ATF7: variants seen among roughly 807,000 people sequenced by gnomAD.
The protein encoded by ATF7 is activating transcription factor 7, also known as cyclic AMP-dependent transcription factor ATF-7.
ATF7 carries 10 observed loss-of-function variants against 50.4 expected under a neutral mutation model. The ratio of observed to expected loss-of-function variants is 0.20; its 90% CI spans 0.12 to 0.34. The LOEUF (loss-of-function observed/expected upper bound fraction) is 0.34, where lower values mean the gene tolerates loss of function less well. Among genes scored for constraint, ATF7 ranks in the 10% least tolerant of loss-of-function variants. ATF7 has a pLI of 1.00. For synonymous variants in ATF7, 201 were observed against 226.4 expected (o/e 0.89, Z 1.01); for missense variants, 465 against 613.9 (o/e 0.76, Z 2.56).
chr12:53,557,502 C>T (rs1940825779), intron 2 of ATF7, among the ~76,000 whole-genome samples: 1 of 152,200 alleles, frequency 6.6e-6, no homozygotes, highest in Non-Finnish European at 1.5e-5. Flanking sequence ...CCTGCCCAGC[C>T]CCTCGTTTGT....
chr12:53,544,293 T>C (rs765901832), intron 3 of ATF7, among the ~76,000 whole-genome samples: 1 of 152,234 alleles, frequency 6.6e-6, no homozygotes, highest in Non-Finnish European at 1.5e-5. Context: ...CCTGCTTTTT[T>C]AGACCTGAAT....
intron 1 of ATF7, among the ~76,000 whole-genome samples, chr12:53,609,634 G>T (rs1294511389): frequency 6.8e-6 from 1 of 146,908 alleles, no homozygotes; most frequent in East Asian, 2.0e-4. Flanking sequence ...TGATAGACTG[G>T]GACTCTTAAA....
chr12:53,574,953 C>CAAA (rs200535578), intron 2 of ATF7: 34 of 168,980 alleles, frequency 2.0e-4, no homozygotes, highest in South Asian at 5.2e-4. Flanking sequence ...GAGCTTAAGC[C>CAAA]AAAAAAAAAA....
chr12:53,592,385 T>A (rs998330403), intron 2 of ATF7, among the ~76,000 whole-genome samples: 7 of 152,258 alleles, frequency 4.6e-5, no homozygotes, highest in Non-Finnish European at 8.8e-5. Context: ...CTTAACATGA[T>A]AATTTTGAGA....
At chr12:53,541,841 A>C (rs2137430638) in intron 4 of ATF7, among the ~76,000 whole-genome samples, 1 of 152,092 alleles carries the variant, frequency 6.6e-6, no homozygotes, top group African/African-American at 2.4e-5. Flanking sequence ...CTTGTTTTTG[A>C]GACAAAGTCT....
At chr12:53,625,587 T>C (rs1944571956) in intron 1 of ATF7, among the ~76,000 whole-genome samples, 1 of 152,148 alleles carries the variant, frequency 6.6e-6, no homozygotes, top group Non-Finnish European at 1.5e-5. Context: ...ATCCATACTT[T>C]CTCTCTGATA....
chr12:53,569,325 T>G (rs1368193855), intron 2 of ATF7, among the ~76,000 whole-genome samples: 1 of 152,256 alleles, frequency 6.6e-6, no homozygotes, highest in Non-Finnish European at 1.5e-5. Context: ...CTGCTCTCCA[T>G]CACAGTACTA....
At position 53,524,719 on chromosome 12, in the gene ATF7, G is replaced by A. The variant is rs762412634; in HGVS notation, c.970C>T (p.Arg324Trp). 3.7e-6 allele frequency: 6 copies of A among 1,612,122 alleles called. No individual in the cohort carries two copies. Among genetic ancestry groups the A allele is most frequent in the Non-Finnish European group, 5.1e-6 (6 of 1,179,450 alleles). Residue 324 changes from arginine (R) to tryptophan (W), a missense_variant, in exon 10 of 12, where the codon CGG becomes TGG. Coordinates refer to ENST00000420353, the MANE Select transcript of ATF7 (RefSeq NM_006856.3). This position sits in a 1 kb window ranked among gnomAD's most constrained non-coding sequence, Gnocchi z 4.6. The stretch of plus-strand genomic sequence containing the variant: ...TCTGGATCTTCATCTACTGTGCGCC[G>A]CCGTCGCCCCCCAGTACTAGGGGTG... The part of the protein sequence containing the change: ...QPTPSTGGRR[R>W]RTVDEDPDER...
At chr12:53,567,439 G>A (rs1941500883) in intron 2 of ATF7, among the ~76,000 whole-genome samples, 2 of 152,174 alleles carry the variant, frequency 1.3e-5, no homozygotes, top group Non-Finnish European at 1.5e-5. Context: ...TTTTAGACTG[G>A]AGCAGCATGT....
chr12:53,609,978 G>A (rs552857490), intron 1 of ATF7, among the ~76,000 whole-genome samples: 37 of 151,594 alleles, frequency 2.4e-4, no homozygotes, highest in Middle Eastern at 3.4e-3. Context: ...CACCACGCCC[G>A]GCTAATTTTT....
At chr12:53,538,989 C>A (rs1939378429) in intron 4 of ATF7, among the ~76,000 whole-genome samples, 1 of 152,150 alleles carries the variant, frequency 6.6e-6, no homozygotes, top group Admixed American at 6.6e-5. Flanking sequence ...GTAAATACAA[C>A]CATAGATTTG....
chr12:53,549,470 C>T (rs1465436688), intron 3 of ATF7, among the ~76,000 whole-genome samples: 2 of 151,642 alleles, frequency 1.3e-5, no homozygotes, highest in East Asian at 3.9e-4. Flanking sequence ...ATGGCACAAT[C>T]TTGGCTCACC....
At chr12:53,549,426 A>G (rs1171986310) in intron 3 of ATF7, among the ~76,000 whole-genome samples, 1 of 151,104 alleles carries the variant, frequency 6.6e-6, no homozygotes. Context: ...TTTTCAAGAC[A>G]GAGTTTTGCT....
At chr12:53,607,491 G>T (rs538134622) in intron 1 of ATF7, among the ~76,000 whole-genome samples, 1 of 152,014 alleles carries the variant, frequency 6.6e-6, no homozygotes, top group Non-Finnish European at 1.5e-5. Context: ...TGCATTGAGC[G>T]TTTAACCACA....
rs367614281 is a variant in ATF7, at chr12:53,552,571, G to C, written c.115C>G (p.Pro39Ala). 1.6e-4 allele frequency: 256 copies of C among 1,613,712 alleles called. 1 individual carries two copies. Among genetic ancestry groups the C allele is most frequent in the Non-Finnish European group, 3.1e-5 (36 of 1,179,846 alleles). Residue 39 changes from proline (P) to alanine (A), a missense_variant, in exon 3 of 12, where the codon CCA becomes GCA. By Grantham distance (27) the Pro-to-Ala change is conservative. Coordinates refer to ENST00000420353, the MANE Select transcript of ATF7 (RefSeq NM_006856.3). ...HKHEMTLKFG[P>A]ARTDSVIIAD... ...ATGATGACTGAGTCAGTTCGGGCTG[G>C]GCCAAATTTCAATGTCATCTCATGC...
At chr12:53,508,464 G>A (rs1395132899), downstream of ATF7, among the ~76,000 whole-genome samples, 1 of 150,702 alleles carries the variant, frequency 6.6e-6, no homozygotes, top group African/African-American at 2.4e-5. Flanking sequence ...GGAGGCTGAG[G>A]CAGGAGAATC....
At chr12:53,564,230 C>T (rs997765932) in intron 2 of ATF7, among the ~76,000 whole-genome samples, 2 of 152,162 alleles carry the variant, frequency 1.3e-5, no homozygotes, top group Admixed American at 1.3e-4. Context: ...TAAAAATTAG[C>T]TGGACATGGT....
chr12:53,554,251 C>T (rs1308584355), intron 2 of ATF7, among the ~76,000 whole-genome samples: 1 of 152,182 alleles, frequency 6.6e-6, no homozygotes, highest in Non-Finnish European at 1.5e-5. Flanking sequence ...CTGTCTCAGC[C>T]TCCTGAGTAG....
rs569622615 is a variant in ATF7 at position 53,513,108 on chromosome 12, C to T, written c.*4029G>A. 2.6e-5 allele frequency: 4 copies of T among 152,236 alleles called. No individual in the cohort carries two copies. The highest frequency in any genetic ancestry group is 9.6e-5 in the African/African-American group (4 of 41,542). 9.4% of individuals were successfully genotyped at this position (152,236 alleles called of 1,614,324 possible). On this transcript the variant is annotated 3_prime_UTR_variant, in exon 12 of 12. Coordinates refer to ENST00000420353, the MANE Select transcript of ATF7 (RefSeq NM_006856.3). The stretch of plus-strand genomic sequence containing the variant: ...AGATAACTCTGTGCTATTAGCCCCC[C>T]ATTAAAAAAATAAACCCTAGTAGCT...
Sources: gnomAD v4.1 joint callset for allele counts (sites outside exome capture counted in the v4.1 genomes callset) on GRCh38, gnomAD v4.1.1 for gene constraint, Gnocchi (gnomAD v3.1) non-coding constraint, MANE v1.5 for transcripts, NCBI Gene and HGNC (gene_info 2026-07-23, HGNC 2026-07-21) for gene names.